The following SEMA6A variants were observed in gnomAD, a reference collection of about 807,000 sequenced individuals.
The protein encoded by SEMA6A is semaphorin-6A.
A neutral mutation model predicts 96.8 loss-of-function variants in SEMA6A; 25 were observed. The observed-to-expected ratio is 0.26, with a 90% confidence interval of 0.19 to 0.36. The LOEUF (loss-of-function observed/expected upper bound fraction) is 0.36, where lower values mean the gene tolerates loss of function less well. SEMA6A is among the 10% of genes least tolerant of loss of function. The pLI, the probability that SEMA6A is intolerant of heterozygous loss-of-function variation, is 1.00. For synonymous variants in SEMA6A, 612 were observed against 518.0 expected, an observed-to-expected ratio of 1.18 and a Z score of -2.46; for missense variants, 1,363 against 1,323.1, an observed-to-expected ratio of 1.03 and a Z score of -0.47.
chr5:116,550,370 GT>G (rs1760356614), intron 1 of SEMA6A: 1 of 152,048 alleles, frequency 6.6e-6, no homozygotes, highest in African/African-American at 2.4e-5. Flanking sequence ...CCACCTTTTG[GT>G]TCTGAACATT....
intron 1 of SEMA6A, among the ~76,000 whole-genome samples, chr5:116,532,810 C>G (rs1177421806): frequency 1.3e-5 from 2 of 152,166 alleles, no homozygotes; most frequent in Admixed American, 6.5e-5. Flanking sequence ...CTCTCAAACT[C>G]CAGTGGACAT....
At chr5:116,457,857 G>A (rs1393027695) in intron 18 of SEMA6A, among the ~76,000 whole-genome samples, 1 of 152,142 alleles carries the variant, frequency 6.6e-6, no homozygotes, top group East Asian at 1.9e-4. Context: ...TGCATAACCT[G>A]TATCTCCCTG....
At chr5:116,526,918 T>C (rs927232339) in intron 1 of SEMA6A, among the ~76,000 whole-genome samples, 12 of 152,186 alleles carry the variant, frequency 7.9e-5, no homozygotes, top group Admixed American at 7.2e-4. Context: ...CCTAGTTACA[T>C]TGCTGAGGGC....
At chr5:116,538,228 C>A (rs1759809846) in intron 1 of SEMA6A, among the ~76,000 whole-genome samples, 1 of 152,032 alleles carries the variant, frequency 6.6e-6, no homozygotes, top group African/African-American at 2.4e-5. Context: ...AAAACTTGGA[C>A]CAAATACTTT....
At chr5:116,448,451 T>C (rs568599041) in intron 18 of SEMA6A, among the ~76,000 whole-genome samples, 1 of 152,322 alleles carries the variant, frequency 6.6e-6, no homozygotes, top group Admixed American at 6.5e-5. Context: ...AAAGTTATCT[T>C]TCTTTCCTTC....
intron 18 of SEMA6A, among the ~76,000 whole-genome samples, chr5:116,450,331 A>T (rs748159527): frequency 6.6e-6 from 1 of 152,308 alleles, no homozygotes; most frequent in Admixed American, 6.5e-5. Flanking sequence ...GGGGGACTGG[A>T]TATTCCCAAT....
At position 116,497,472 on chromosome 5, in the gene SEMA6A, G is replaced by A. The variant is rs1449255948; in HGVS notation, c.219-85C>T. The A allele has an allele frequency of 7.7e-6, 6 of 780,676 alleles. No homozygotes were observed. The East Asian group carries it at 1.6e-4, about 21-fold the overall frequency. 48.4% of individuals were successfully genotyped at this position (780,676 alleles called of 1,614,324 possible). ...GCTTAATGAGTTATGTCTTATCAGG[G>A]CAGATAAGCCCATATCCATGTTCAT... On this transcript the variant is annotated intron_variant, in intron 3 of 18. Transcript: ENST00000343348.
At chr5:116,491,378 C>T (rs796122262) in intron 7 of SEMA6A, among the ~76,000 whole-genome samples, 1 of 152,002 alleles carries the variant, frequency 6.6e-6, no homozygotes, top group African/African-American at 2.4e-5. Context: ...CAAAGTCCAT[C>T]CTACCTTAAA....
intron 1 of SEMA6A, among the ~76,000 whole-genome samples, chr5:116,509,000 A>G (rs153600): frequency 0.35 from 53,800 of 152,082 alleles, 9,691 homozygotes; most frequent in Admixed American, 0.39. Context: ...ATACACACAA[A>G]TTAATGAACA....
intron 1 of SEMA6A, among the ~76,000 whole-genome samples, chr5:116,565,680 G>C (rs1214386444): frequency 6.6e-6 from 1 of 152,176 alleles, no homozygotes; most frequent in East Asian, 1.9e-4. Flanking sequence ...TAATAGAATG[G>C]TTTTCCACCT....
chr5:116,563,526 A>G (rs1760902291), intron 1 of SEMA6A, among the ~76,000 whole-genome samples: 1 of 152,228 alleles, frequency 6.6e-6, no homozygotes, highest in African/African-American at 2.4e-5. Context: ...TCCAAGGCAC[A>G]CAAAAGAAAA....
chr5:116,569,310 G>A (rs1174850035), intron 1 of SEMA6A, among the ~76,000 whole-genome samples: 2 of 152,130 alleles, frequency 1.3e-5, no homozygotes, highest in African/African-American at 4.8e-5. Context: ...ACCATCCCAA[G>A]GCATGAAAGA....
intron 3 of SEMA6A, 126 bp from the exon 4 acceptor site, chr5:116,497,513 GAAGAA>G (rs1757658010): frequency 7.2e-6 from 4 of 556,686 alleles, no homozygotes; most frequent in Admixed American, 7.3e-5. Flanking sequence ...CCACATGCAA[GAAGAA>G]AAGAGCGCAG....
chr5:116,504,393 T>C (rs1364287646), intron 2 of SEMA6A, among the ~76,000 whole-genome samples: 1 of 152,182 alleles, frequency 6.6e-6, no homozygotes, highest in Non-Finnish European at 1.5e-5. Context: ...TTTACCAAAG[T>C]CTATTAACTA....
chr5:116,451,349 T>C (rs1356242077), intron 18 of SEMA6A, among the ~76,000 whole-genome samples: 2 of 152,168 alleles, frequency 1.3e-5, no homozygotes, highest in Non-Finnish European at 2.9e-5. Context: ...CATTTGCTAT[T>C]GGTCTCCCAT....
At chr5:116,541,674 G>A (rs1388741117) in intron 1 of SEMA6A, among the ~76,000 whole-genome samples, 2 of 151,974 alleles carry the variant, frequency 1.3e-5, no homozygotes, top group African/African-American at 4.8e-5. Flanking sequence ...CTCTACTAAA[G>A]ATACAAAAAT....
At chr5:116,523,023 G>C (rs1325076785) in intron 1 of SEMA6A, among the ~76,000 whole-genome samples, 4 of 152,162 alleles carry the variant, frequency 2.6e-5, no homozygotes, top group African/African-American at 4.8e-5. Context: ...AGTGTGGAGA[G>C]GTGCCCACTG....
chr5:116,462,965 A>G (rs10058506), intron 18 of SEMA6A, among the ~76,000 whole-genome samples: 66,873 of 151,936 alleles, frequency 0.44, 15,135 homozygotes, highest in East Asian at 0.77. Context: ...ATGTATTTCA[A>G]AGGGAAACTT....
chr5:116,489,105 CA>C, intron 7 of SEMA6A, 98 bp from the exon 8 acceptor site: 1 of 1,305,016 alleles, frequency 7.7e-7, no homozygotes, highest in Non-Finnish European at 1.0e-6. Context: ...CAACATCAGG[CA>C]AATGAGATAG....
Sources: allele counts gnomAD v4.1 joint callset (sites outside exome capture counted in the v4.1 genomes callset), GRCh38; gene constraint gnomAD v4.1.1; transcripts MANE v1.5; gene names NCBI Gene and HGNC (gene_info 2026-07-23, HGNC 2026-07-21).